NXN: variants seen among roughly 807,000 people sequenced by gnomAD.
NXN encodes nucleoredoxin 1.
A neutral mutation model predicts 48.6 loss-of-function variants in NXN; 16 were observed. The ratio of observed to expected loss-of-function variants is 0.33; its 90% confidence interval spans 0.22 to 0.50. The LOEUF is 0.50. Ranked by LOEUF, NXN falls within the 20% of genes least tolerant of loss-of-function variation. NXN has a pLI of 0.98. For missense variants in NXN, 492 were observed against 605.5 expected (o/e 0.81, Z 1.97); for synonymous variants, 281 against 269.6 (o/e 1.04, Z -0.41).
At chr17:815,278 GGCGACAAGGCACCCACA>G (rs1460124942) in intron 5 of NXN, among the ~76,000 whole-genome samples, 2 of 151,846 alleles carry the variant, frequency 1.3e-5, no homozygotes, top group South Asian at 4.2e-4. Flanking sequence ...AGGTTTTGAA[GGCGACAAGGCACCCACA>G]GTTCAGCTGA....
At chr17:943,651 G>A (rs769869600) in intron 1 of NXN, among the ~76,000 whole-genome samples, 8 of 151,706 alleles carry the variant, frequency 5.3e-5, no homozygotes, top group Admixed American at 2.0e-4. Flanking sequence ...GTGAAACCCC[G>A]TCTGTACTAA....
chr17:954,234 A>G (rs2069143027), intron 1 of NXN, among the ~76,000 whole-genome samples: 1 of 151,990 alleles, frequency 6.6e-6, no homozygotes, highest in East Asian at 1.9e-4. Context: ...AAAAAAACTT[A>G]GCCAGGTGTG....
chr17:829,467 T>TC (rs919031092), intron 1 of NXN, among the ~76,000 whole-genome samples: 2 of 151,570 alleles, frequency 1.3e-5, no homozygotes, highest in Non-Finnish European at 2.9e-5. Context: ...TCTTTTTTTT[T>TC]TTTTTTTTAA....
At chr17:962,306 C>G (rs1332858401) in intron 1 of NXN, among the ~76,000 whole-genome samples, 1 of 152,184 alleles carries the variant, frequency 6.6e-6, no homozygotes, top group Non-Finnish European at 1.5e-5. Context: ...TTGAACACCT[C>G]TTAGGAGCTC....
chr17:914,413 AC>A (rs1297611618), intron 1 of NXN, among the ~76,000 whole-genome samples: 5 of 151,352 alleles, frequency 3.3e-5, no homozygotes, highest in Admixed American at 6.6e-5. Flanking sequence ...CAGGTGATCC[AC>A]CCGCCACAGC....
At chr17:944,159 A>T (rs1377216199) in intron 1 of NXN, among the ~76,000 whole-genome samples, 1 of 151,978 alleles carries the variant, frequency 6.6e-6, no homozygotes. Context: ...GAATTGCTTG[A>T]ACCCAGGAGG....
At chr17:836,287 C>T (rs764851649) in intron 1 of NXN, among the ~76,000 whole-genome samples, 1 of 152,162 alleles carries the variant, frequency 6.6e-6, no homozygotes, top group Non-Finnish European at 1.5e-5. Flanking sequence ...CTTTTCTTTC[C>T]AACAGCTGCT....
intron 5 of NXN, among the ~76,000 whole-genome samples, chr17:806,258 C>T (rs1256080434): frequency 1.5e-5 from 2 of 131,760 alleles, no homozygotes; most frequent in Non-Finnish European, 3.2e-5. Flanking sequence ...CAGCCCCCGC[C>T]GTCTGCACCC....
At chr17:972,584 G>A (rs2069398795) in intron 1 of NXN, among the ~76,000 whole-genome samples, 1 of 152,166 alleles carries the variant, frequency 6.6e-6, no homozygotes, top group Admixed American at 6.5e-5. Context: ...ACAACGGGAC[G>A]AGCTGGAGCC....
At chr17:834,727 G>T (rs1439814294) in intron 1 of NXN, among the ~76,000 whole-genome samples, 3 of 151,146 alleles carry the variant, frequency 2.0e-5, no homozygotes, top group Non-Finnish European at 2.9e-5. Flanking sequence ...ACCACGTTGG[G>T]CACGCTGGTC....
intron 1 of NXN, among the ~76,000 whole-genome samples, chr17:896,373 T>C (rs1316968266): frequency 3.4e-5 from 5 of 148,342 alleles, no homozygotes; most frequent in Non-Finnish European, 7.4e-5. Context: ...AAGCAAGGCA[T>C]GGTGGCGTGT....
chr17:953,952 G>A (rs757101792), intron 1 of NXN, among the ~76,000 whole-genome samples: 3 of 152,178 alleles, frequency 2.0e-5, no homozygotes, highest in Non-Finnish European at 4.4e-5. Context: ...GCACGTGGTC[G>A]TGTGGCTCCG....
intron 1 of NXN, among the ~76,000 whole-genome samples, chr17:868,794 A>G (rs573226331): frequency 6.6e-6 from 1 of 152,268 alleles, no homozygotes; most frequent in South Asian, 2.1e-4. Flanking sequence ...ACCCGGTCGA[A>G]ACTACCTTCT....
chr17:973,010 G>A (rs1355776274), intron 1 of NXN, among the ~76,000 whole-genome samples: 3 of 149,138 alleles, frequency 2.0e-5, no homozygotes, highest in Non-Finnish European at 4.4e-5. Context: ...CAGCCTGGGC[G>A]ACAGAGCGAG....
Position 970,392 on chromosome 17 carries a change from G to A in NXN, c.360+8927C>T, listed in dbSNP as rs1293473634. On this transcript the variant is annotated intron_variant, in intron 1 of 7. Coordinates refer to ENST00000336868, the MANE Select transcript of NXN (RefSeq NM_022463.5). Reference sequence around the variant, plus strand: ...CTGCAGGCTTTCCGTAGGATGAAGGGGGAGTTGGGGGGCCCTTCACTGGAG... The same window carrying A: ...CTGCAGGCTTTCCGTAGGATGAAGGAGGAGTTGGGGGGCCCTTCACTGGAG... Among the ~76,000 whole-genome samples the A allele has an allele frequency of 6.6e-5, 10 of 151,988 alleles. 1 individual carries two copies. Among genetic ancestry groups the A allele is most frequent in the Admixed American group, 6.6e-4 (10 of 15,242 alleles).
intron 1 of NXN, chr17:864,194 G>A (rs896217922): frequency 4.3e-5 from 52 of 1,202,260 alleles, no homozygotes; most frequent in Admixed American, 9.9e-5. Flanking sequence ...GCTCGGTTCC[G>A]GTGAAGGGCA....
chr17:864,718 A>G (rs956464582), intron 1 of NXN, among the ~76,000 whole-genome samples: 5 of 152,018 alleles, frequency 3.3e-5, no homozygotes, highest in Non-Finnish European at 5.9e-5. Flanking sequence ...CCCACTGCTC[A>G]CTCTGAGGCT....
intron 2 of NXN, 64 bp from the exon 3 acceptor site, chr17:823,829 G>A: frequency 6.3e-7 from 1 of 1,584,514 alleles, no homozygotes; most frequent in African/African-American, 1.3e-5. Flanking sequence ...GGACCCAGGA[G>A]ACTTCAGAGC....
At chr17:889,968 G>A (rs1279338445) in intron 1 of NXN, among the ~76,000 whole-genome samples, 1 of 151,980 alleles carries the variant, frequency 6.6e-6, no homozygotes, top group East Asian at 1.9e-4. Flanking sequence ...AAGAGCACAC[G>A]CCCAGTACCC....
Sources: allele counts gnomAD v4.1 joint callset (sites outside exome capture counted in the v4.1 genomes callset), GRCh38; gene constraint gnomAD v4.1.1; transcripts MANE v1.5; gene names NCBI Gene and HGNC (gene_info 2026-07-23, HGNC 2026-07-21).